TRPM6: variants seen among roughly 807,000 people sequenced by gnomAD.
TRPM6 encodes the protein channel kinase 2.
TRPM6 carries 111 observed loss-of-function variants against 247.6 expected under a neutral mutation model. That is an observed-to-expected ratio of 0.45 (90% CI 0.38 to 0.52). The LOEUF is 0.52. TRPM6 is among the 20% of genes least tolerant of loss of function. The pLI, the probability that TRPM6 is intolerant of heterozygous loss-of-function variation, is 0.00. For missense variants in TRPM6, 2,126 were observed against 2,421.5 expected (o/e 0.88, Z 2.56); for synonymous variants, 892 against 853.8 (o/e 1.04, Z -0.78).
intron 16 of TRPM6, 26 bp downstream of exon 16, chr9:74,801,872 G>C: frequency 6.2e-7 from 1 of 1,612,806 alleles, no homozygotes; most frequent in Non-Finnish European, 8.5e-7. Context: ...TTGATGTTTA[G>C]TATGAAGTGA....
intron 38 of TRPM6, among the ~76,000 whole-genome samples, chr9:74,726,367 G>A (rs140735283): frequency 6.5e-4 from 99 of 152,168 alleles, no homozygotes; most frequent in African/African-American, 1.9e-3. Context: ...AAAATTAGCT[G>A]GGCGTGGTGG....
At chr9:74,732,147 T>A (rs182970390) in intron 37 of TRPM6, among the ~76,000 whole-genome samples, 52 of 152,360 alleles carry the variant, frequency 3.4e-4, no homozygotes, top group African/African-American at 1.2e-3. Context: ...GTCATCTCTC[T>A]ATAGAATTTA....
rs74337881 is a variant in TRPM6, at chr9:74,812,147, A to T, written c.1443+152T>A. The T allele has an allele frequency of 0.029, 27,424 of 946,156 alleles. 509 individuals carry two copies. The highest frequency in any genetic ancestry group is 0.035 in the Non-Finnish European group (21,968 of 619,830). The allele number at this position is 946,156 out of a possible 1,614,324, so 58.6% of individuals were successfully genotyped here. A position where few individuals can be genotyped will look rare whatever the true frequency, so the allele number is the denominator to read the frequency against. ...GTTACTTATAAATGTTGGGGAAAGA[A>T]GCCTGGAACTAGATCCAGCTTCAGA... On this transcript the variant is annotated intron_variant, in intron 12 of 38. Transcript: ENST00000360774.
intron 3 of TRPM6, among the ~76,000 whole-genome samples, chr9:74,844,397 T>C (rs924998859): frequency 3.3e-5 from 5 of 152,238 alleles, no homozygotes; most frequent in African/African-American, 1.2e-4. Flanking sequence ...TCATCAATAA[T>C]CTTAGCTAGA....
rs754834038 is a variant in TRPM6, at chr9:74,801,915, C to T, written c.1992G>A (p.Glu664=). ...ACACTTACTTTGAGTAATTCTTCAACTCTTCTGAGGCATCATCCACCATGT... is the reference window on the plus strand; with the variant it reads ...ACACTTACTTTGAGTAATTCTTCAATTCTTCTGAGGCATCATCCACCATGT... The part of the protein sequence containing the change: ...ESHMVDDASE[E]LKNYSKQFGQ... The change falls in exon 16 of 39, where the codon GAG becomes GAA. Residue 664 remains glutamate, a synonymous_variant. Transcript: ENST00000360774. 13 of 1,614,092 alleles carry T rather than the reference C, an allele frequency of 8.1e-6. No homozygotes were observed. Among genetic ancestry groups the T allele is most frequent in the Non-Finnish European group, 8.5e-6 (10 of 1,180,038 alleles).
rs1332775166 is a variant in TRPM6 at position 74,858,710 on chromosome 9, T to C, written c.72A>G (p.Arg24=). 1.1e-5 allele frequency: 18 copies of C among 1,613,544 alleles called. No individual in the cohort carries two copies. The highest frequency in any genetic ancestry group is 6.7e-5 in the East Asian group (3 of 44,806). ...KSWIKGVFDK[R]ECSTIIPSSK... Reference sequence around the variant, plus strand: ...AGCTGGGTATGATTGTGCTACATTCTCTCTTGTCAAATACTCCTTTAATCC... The same window carrying C: ...AGCTGGGTATGATTGTGCTACATTCCCTCTTGTCAAATACTCCTTTAATCC... Residue 24 remains arginine, a synonymous_variant, in exon 2 of 39, where the codon AGA becomes AGG. Transcript: ENST00000360774.
chr9:74,739,155 C>T (rs1180569780), intron 35 of TRPM6, among the ~76,000 whole-genome samples: 1 of 152,088 alleles, frequency 6.6e-6, no homozygotes, highest in African/African-American at 2.4e-5. Flanking sequence ...CTCTTTTTTC[C>T]ACTCATGTTT....
At chr9:74,788,809 A>C in intron 19 of TRPM6, 67 bp from the exon 20 acceptor site, 2 of 1,584,694 alleles carry the variant, frequency 1.3e-6, no homozygotes, top group Non-Finnish European at 1.7e-6. Flanking sequence ...AAGGAGACGC[A>C]GATGGAGCAG....
At chr9:74,790,207 C>G (rs1259544823) in intron 19 of TRPM6, among the ~76,000 whole-genome samples, 2 of 152,028 alleles carry the variant, frequency 1.3e-5, no homozygotes, top group Non-Finnish European at 2.9e-5. Flanking sequence ...AATAGGTGGT[C>G]TTTTAGGCAG....
At chr9:74,778,852 G>A (rs770758842) in intron 23 of TRPM6, among the ~76,000 whole-genome samples, 2 of 152,022 alleles carry the variant, frequency 1.3e-5, no homozygotes, top group Admixed American at 6.6e-5. Flanking sequence ...ACCCAACCTC[G>A]AGTGTACACC....
chr9:74,805,409 G>C lies in TRPM6; in HGVS notation c.1639-1523C>G, dbSNP rs577146718. Among the ~76,000 whole-genome samples the C allele has an allele frequency of 3.3e-5, 5 of 152,322 alleles. No homozygotes were observed. In the South Asian group the frequency reaches 1.0e-3, roughly 32 times the overall value. ...ACTAAGAGCCCACAGGTTCAGTAAA[G>C]AGTGGCTCTGGCCGCTAATCCCAGA... On this transcript the variant is annotated intron_variant, in intron 14 of 38. Coordinates refer to ENST00000360774, the MANE Select transcript of TRPM6 (RefSeq NM_017662.5).
intron 17 of TRPM6, 122 bp downstream of exon 17, chr9:74,800,132 G>A (rs1828264890): frequency 2.3e-6 from 2 of 888,724 alleles, no homozygotes; most frequent in Non-Finnish European, 1.8e-6. Flanking sequence ...ACCTCCAAAT[G>A]AGCTCTCAAA....
At chr9:74,801,447 CA>C (rs1828335566) in intron 16 of TRPM6, among the ~76,000 whole-genome samples, 1 of 151,856 alleles carries the variant, frequency 6.6e-6, no homozygotes, top group Admixed American at 6.6e-5. Context: ...ACTTCAAAAC[CA>C]AAAGCATTTT....
rs147802849 is a variant in TRPM6 at position 74,762,667 on chromosome 9, C to T, written c.4004G>A (p.Arg1335Lys). The T allele has an allele frequency of 8.1e-6, 13 of 1,614,050 alleles. No individual in the cohort carries two copies. The African/African-American group carries it at 1.7e-4, about 22-fold the overall frequency. Reference protein sequence around the residue: ...SIVVSGVSPNRQAHSKYGQFL... With the variant: ...SIVVSGVSPNKQAHSKYGQFL... ...CTGGCCATACTTTGAGTGTGCTTGCCTGTTAGGAGACACCCCAGAAACCAC... is the reference window on the plus strand; with the variant it reads ...CTGGCCATACTTTGAGTGTGCTTGCTTGTTAGGAGACACCCCAGAAACCAC... Residue 1335 changes from arginine (R) to lysine (K), a missense_variant, in exon 26 of 39, where the codon AGG becomes AAG. By Grantham distance (26) the Arg-to-Lys change is conservative. Coordinates refer to ENST00000360774, the MANE Select transcript of TRPM6 (RefSeq NM_017662.5).
rs377752153 is a variant in TRPM6 at position 74,751,630 on chromosome 9, G to A, written c.4998+647C>T. Reference sequence around the variant, plus strand: ...ATTCACACTTCCCACGTGGCGGATGGCACAAAACAAGGCCCATATTTTTAG... The same window carrying A: ...ATTCACACTTCCCACGTGGCGGATGACACAAAACAAGGCCCATATTTTTAG... On this transcript the variant is annotated intron_variant, in intron 29 of 38. Coordinates refer to ENST00000360774, the MANE Select transcript of TRPM6 (RefSeq NM_017662.5). 1.6e-4 allele frequency among the ~76,000 whole-genome samples: 24 copies of A among 152,268 alleles called. No individual in the cohort carries two copies. In the East Asian group the frequency reaches 3.9e-3, roughly 24 times the overall value.
intron 13 of TRPM6, among the ~76,000 whole-genome samples, chr9:74,808,946 G>A (rs1828631969): frequency 6.6e-6 from 1 of 152,080 alleles, no homozygotes; most frequent in Non-Finnish European, 1.5e-5. Flanking sequence ...TTTGCCTATG[G>A]TCCAAAATCC....
chr9:74,879,820 G>A (rs1002521068), intron 1 of TRPM6, among the ~76,000 whole-genome samples: 6 of 152,110 alleles, frequency 3.9e-5, no homozygotes, highest in Non-Finnish European at 7.4e-5. Context: ...TAATTAACCA[G>A]CAAATGTGTT....
At chr9:74,738,318 A>G (rs1825757327) in intron 36 of TRPM6, 89 bp downstream of exon 36, 2 of 1,345,362 alleles carry the variant, frequency 1.5e-6, no homozygotes, top group Non-Finnish European at 2.1e-6. Flanking sequence ...TAAATAGAGC[A>G]ACTCCATATA....
intron 7 of TRPM6, among the ~76,000 whole-genome samples, chr9:74,824,312 G>A (rs1481188446): frequency 6.6e-6 from 1 of 151,190 alleles, no homozygotes; most frequent in Non-Finnish European, 1.5e-5. Context: ...CATCATGCCC[G>A]GCTGCTTTTT....
Sources: allele counts gnomAD v4.1 joint callset (sites outside exome capture counted in the v4.1 genomes callset), GRCh38; gene constraint gnomAD v4.1.1; transcripts MANE v1.5; gene names NCBI Gene and HGNC (gene_info 2026-07-23, HGNC 2026-07-21).